Variants in C3orf20 observed in about 807,000 individuals in gnomAD.
The protein encoded by C3orf20 is uncharacterized protein C3orf20.
A neutral mutation model predicts 88.3 loss-of-function variants in C3orf20; 76 were observed. The observed-to-expected ratio is 0.86, with a 90% CI of 0.72 to 1.04. The LOEUF is 1.04. C3orf20 is among the 50% of genes least tolerant of loss of function. C3orf20 has a pLI of 0.00. For synonymous variants in C3orf20, 436 were observed against 437.4 expected (o/e 1.00, Z 0.04); for missense variants, 1,056 against 1,123.3 (o/e 0.94, Z 0.86).
intron 4 of C3orf20, among the ~76,000 whole-genome samples, chr3:14,688,393 G>A (rs981117013): frequency 2.0e-5 from 3 of 151,728 alleles, no homozygotes; most frequent in Admixed American, 6.6e-5. Flanking sequence ...TTAGCCGGCC[G>A]TGATGGCACA....
intron 12 of C3orf20, among the ~76,000 whole-genome samples, chr3:14,732,871 T>TTATATTAACTATAACTTATATA (rs149886910): frequency 1.3e-5 from 2 of 151,958 alleles, no homozygotes; most frequent in Non-Finnish European, 2.9e-5. Context: ...GAGTTAATTT[T>TTATATTAACTATAACTTATATA]TATATAAGGT....
intron 2 of C3orf20, 45 bp from the exon 3 acceptor site, chr3:14,682,533 A>G (rs2032148041): frequency 2.5e-6 from 2 of 785,368 alleles, no homozygotes; most frequent in Admixed American, 2.8e-5. Flanking sequence ...CCCTTGCCCT[A>G]CTATGGGGAG....
In C3orf20 at chr3:14,703,239, G is replaced by A. The variant is rs751397540; in HGVS notation, c.855G>A (p.Lys285=). 6.2e-7 allele frequency: 1 copy of A among 1,614,154 alleles called. No homozygotes were observed. Among genetic ancestry groups the A allele is most frequent in the Admixed American group, 1.7e-5 (1 of 60,032 alleles). ...ACCCCTGCCCTGAGGCCCGGGAGAAGCTGCAGGAGTTGTGTCGCCACATGT... is the reference window on the plus strand; with the variant it reads ...ACCCCTGCCCTGAGGCCCGGGAGAAACTGCAGGAGTTGTGTCGCCACATGT... ...FSDPCPEARE[K]LQELCRHIEA... is the part of the protein sequence containing the mutation. Residue 285 remains lysine (K), a synonymous_variant, in exon 6 of 17, where the codon AAG becomes AAA. Transcript: ENST00000253697.
intron 1 of C3orf20, among the ~76,000 whole-genome samples, chr3:14,680,042 G>GA (rs2032003811): frequency 6.6e-6 from 1 of 152,126 alleles, no homozygotes; most frequent in South Asian, 2.1e-4. Context: ...AGAGAAATTA[G>GA]AATTCTCAAA....
At chr3:14,747,858 AAACAATTTTT>A (rs1434230025) in intron 12 of C3orf20, among the ~76,000 whole-genome samples, 5 of 151,948 alleles carry the variant, frequency 3.3e-5, no homozygotes, top group Non-Finnish European at 5.9e-5. Flanking sequence ...TATTTTCTAT[AAACAATTTTT>A]AATATGACAT....
intron 4 of C3orf20, among the ~76,000 whole-genome samples, chr3:14,686,271 T>C (rs566029395): frequency 1.3e-5 from 2 of 152,304 alleles, no homozygotes; most frequent in South Asian, 4.1e-4. Flanking sequence ...ATGTCTTGGC[T>C]ATGTGAATAA....
intron 5 of C3orf20, among the ~76,000 whole-genome samples, chr3:14,698,733 A>G (rs2124925522): frequency 6.6e-6 from 1 of 152,284 alleles, no homozygotes; most frequent in Non-Finnish European, 1.5e-5. Context: ...AAGCCAGCAC[A>G]GCACTGGGTC....
intron 9 of C3orf20, among the ~76,000 whole-genome samples, chr3:14,717,333 CAG>C (rs1491196901): frequency 1.3e-5 from 2 of 152,040 alleles, no homozygotes; most frequent in Non-Finnish European, 2.9e-5. Flanking sequence ...AAGAGCACAA[CAG>C]AGGCATGTGA....
chr3:14,752,053 G>A lies in C3orf20; in HGVS notation c.1941-5318G>A, dbSNP rs144354165. On this transcript the variant is annotated intron_variant, in intron 12 of 16. Transcript: ENST00000253697. The stretch of plus-strand genomic sequence containing the variant: ...ATCCTAAGCAAAAAGAACAAAGCTG[G>A]AGGAATCACACTACCTGACTTCAAA... 9.7e-4 allele frequency among the ~76,000 whole-genome samples: 147 copies of A among 152,302 alleles called. 1 individual carries two copies. Among genetic ancestry groups the A allele is most frequent in the African/African-American group, 3.3e-3 (138 of 41,576 alleles).
rs377559881 is a variant in C3orf20 at position 14,772,173 on chromosome 3, G to A, written c.2602G>A (p.Glu868Lys). Residue 868 changes from glutamate to lysine, a missense_variant, in exon 16 of 17, where the codon GAG (glutamate) becomes AAG (lysine). Coordinates refer to ENST00000253697, the MANE Select transcript of C3orf20 (RefSeq NM_032137.5). This position sits in a 1 kb window ranked among gnomAD's most constrained non-coding sequence, Gnocchi z 4.2. ...CTCATTGGCCCTGGAAGACTATGTGGAGAAGGAGTTATCTCTGGAGGCTGA... is the reference window on the plus strand; with the variant it reads ...CTCATTGGCCCTGGAAGACTATGTGAAGAAGGAGTTATCTCTGGAGGCTGA... ...SSSLALEDYV[E>K]KELSLEAEKT... 1.1e-4 allele frequency: 176 copies of A among 1,614,268 alleles called. No individual in the cohort carries two copies. Among genetic ancestry groups the A allele is most frequent in the Middle Eastern group, 1.6e-4 (1 of 6,062 alleles).
intron 9 of C3orf20, among the ~76,000 whole-genome samples, chr3:14,715,758 C>T (rs1328599869): frequency 1.3e-5 from 2 of 152,046 alleles, no homozygotes; most frequent in East Asian, 3.9e-4. Context: ...ATTTTTAATG[C>T]CTATGTGTGG....
intron 5 of C3orf20, 130 bp downstream of exon 5, chr3:14,690,246 G>T: frequency 7.8e-7 from 1 of 1,284,134 alleles, no homozygotes; most frequent in South Asian, 1.4e-5. Flanking sequence ...ATACATAGCG[G>T]CTCTGCCTGG....
intron 5 of C3orf20, among the ~76,000 whole-genome samples, chr3:14,693,391 G>GT (rs2032826860): frequency 6.6e-6 from 1 of 152,032 alleles, no homozygotes; most frequent in Non-Finnish European, 1.5e-5. Context: ...GTCATCTTCA[G>GT]TTTTTTGCAT....
rs143190891 is a variant in C3orf20 at position 14,725,319 on chromosome 3, A to G, written c.1567-1582A>G. Reference sequence around the variant, plus strand: ...GCCGAGTGTTGGGGCTCCTCCCTCCAAGTCCCTGTCACTGAGAAGCTTGTT... The same window carrying G: ...GCCGAGTGTTGGGGCTCCTCCCTCCGAGTCCCTGTCACTGAGAAGCTTGTT... On this transcript the variant is annotated intron_variant, in intron 10 of 16. Coordinates refer to ENST00000253697, the MANE Select transcript of C3orf20 (RefSeq NM_032137.5). Among the ~76,000 whole-genome samples the G allele has an allele frequency of 5.8e-3, 881 of 152,196 alleles. 3 individuals are homozygous for G. The highest frequency in any genetic ancestry group is 0.02 in the African/African-American group (826 of 41,518).
chr3:14,708,234 T>G (rs1349803581), intron 7 of C3orf20, among the ~76,000 whole-genome samples: 2 of 152,224 alleles, frequency 1.3e-5, no homozygotes, highest in African/African-American at 4.8e-5. Flanking sequence ...TTCCTTTGCA[T>G]GTGGATAGCT....
intron 7 of C3orf20, among the ~76,000 whole-genome samples, chr3:14,708,285 C>T (rs905530619): frequency 7.9e-5 from 12 of 152,174 alleles, no homozygotes; most frequent in African/African-American, 2.9e-4. Context: ...ATTCTTTCCC[C>T]ATTGAATGGT....
chr3:14,734,747 C>T (rs2034650830), intron 12 of C3orf20, among the ~76,000 whole-genome samples: 1 of 151,984 alleles, frequency 6.6e-6, no homozygotes, highest in African/African-American at 2.4e-5. Flanking sequence ...CTTATATATA[C>T]TTATAAATAC....
chr3:14,756,200 C>G (rs2035367050), intron 12 of C3orf20, among the ~76,000 whole-genome samples: 1 of 150,946 alleles, frequency 6.6e-6, no homozygotes, highest in African/African-American at 2.4e-5. Flanking sequence ...ACAGTATCCA[C>G]AGTCTTGGAA....
chr3:14,772,301 G>GGGGTA lies in C3orf20; in HGVS notation c.2630+101_2630+102insGGTAG. On this transcript the variant is annotated intron_variant, in intron 16 of 16. Transcript: ENST00000253697. This position sits in a 1 kb window ranked among gnomAD's most constrained non-coding sequence, Gnocchi z 4.2. ...AGTCACTACCCCCAGGCGTGGCCTG[G>GGGGTA]GTCATGTCCAACCATCGCTGACATC... 6.8e-7 allele frequency: 1 copy of GGGGTA among 1,471,338 alleles called. No homozygotes were observed. Among genetic ancestry groups the GGGGTA allele is most frequent in the Non-Finnish European group, 9.4e-7 (1 of 1,066,948 alleles). The allele number at this position is 1,471,338 out of a possible 1,614,324, so 91.1% of individuals were successfully genotyped here.
Sources: gnomAD v4.1 joint callset for allele counts (sites outside exome capture counted in the v4.1 genomes callset) on GRCh38, gnomAD v4.1.1 for gene constraint, Gnocchi (gnomAD v3.1) non-coding constraint, MANE v1.5 for transcripts, NCBI Gene and HGNC (gene_info 2026-07-23, HGNC 2026-07-21) for gene names.